The following MMP16 variants were observed in gnomAD, a reference collection of about 807,000 sequenced individuals.
The protein encoded by MMP16 is matrix metalloproteinase-16.
A neutral mutation model predicts 67.8 loss-of-function variants in MMP16; 12 were observed. The observed-to-expected ratio is 0.18, with a 90% CI of 0.11 to 0.29. The LOEUF (loss-of-function observed/expected upper bound fraction) is 0.29. MMP16 is among the 10% of genes least tolerant of loss of function. The probability of loss-of-function intolerance (pLI) is 1.00; values close to 1 mark genes in which losing one functional copy is unlikely to be tolerated. For missense variants in MMP16, 475 were observed against 765.7 expected (o/e 0.62, Z 4.48); for synonymous variants, 249 against 255.9 (o/e 0.97, Z 0.26).
intron 4 of MMP16, among the ~76,000 whole-genome samples, chr8:88,146,105 C>A (rs2118513483): frequency 6.6e-6 from 1 of 152,072 alleles, no homozygotes; most frequent in Middle Eastern, 3.4e-3. Flanking sequence ...GTCAAAATTA[C>A]ACTTTTCTTT....
rs28904612 is a variant in MMP16, at chr8:88,231,118, T to C, written c.133-33812A>G. On this transcript the variant is annotated intron_variant, in intron 1 of 9. Coordinates refer to ENST00000286614, the MANE Select transcript of MMP16 (RefSeq NM_005941.5). ...ATAATCATTATTTAGATGTTTTGCT[T>C]GAAATAGCTGTAATACCAACTTGAA... 4.2e-3 allele frequency among the ~76,000 whole-genome samples: 637 copies of C among 152,312 alleles called. 5 individuals are homozygous for C. Among genetic ancestry groups the C allele is most frequent in the African/African-American group, 0.015 (609 of 41,578 alleles).
intron 1 of MMP16, among the ~76,000 whole-genome samples, chr8:88,220,533 A>C (rs1426828429): frequency 1.4e-5 from 2 of 143,802 alleles, no homozygotes; most frequent in African/African-American, 2.6e-5. Flanking sequence ...TGTGTGCATG[A>C]CTTTTTTTTT....
At chr8:88,043,898 G>A (rs576763197) in intron 9 of MMP16, among the ~76,000 whole-genome samples, 2 of 152,214 alleles carry the variant, frequency 1.3e-5, no homozygotes, top group South Asian at 4.2e-4. Flanking sequence ...GATGAATAAC[G>A]GCATTGATCT....
chr8:88,281,754 C>T (rs1396132870), intron 1 of MMP16, among the ~76,000 whole-genome samples: 3 of 152,108 alleles, frequency 2.0e-5, no homozygotes, highest in African/African-American at 7.2e-5. Context: ...AGTGCTTTCC[C>T]CAGCCCACCA....
intron 6 of MMP16, among the ~76,000 whole-genome samples, chr8:88,075,200 C>T (rs1203256649): frequency 6.6e-6 from 1 of 152,036 alleles, no homozygotes; most frequent in Non-Finnish European, 1.5e-5. Context: ...TGCCTATTGT[C>T]TCATATAGTT....
chr8:88,260,980 T>G (rs1393612383), intron 1 of MMP16, among the ~76,000 whole-genome samples: 1 of 152,174 alleles, frequency 6.6e-6, no homozygotes, highest in African/African-American at 2.4e-5. Flanking sequence ...AGATAACAAA[T>G]GCACTTTAAC....
intron 1 of MMP16, among the ~76,000 whole-genome samples, chr8:88,208,922 C>T (rs955723427): frequency 6.6e-5 from 10 of 151,604 alleles, no homozygotes; most frequent in Non-Finnish European, 1.0e-4. Flanking sequence ...GGATACCACA[C>T]CAGAATTAAC....
chr8:88,266,372 G>C (rs2129962119), intron 1 of MMP16, among the ~76,000 whole-genome samples: 1 of 152,174 alleles, frequency 6.6e-6, no homozygotes, highest in Non-Finnish European at 1.5e-5. Flanking sequence ...GTTGAAATAA[G>C]TCACCTTCAA....
chr8:88,158,413 T>C (rs1362440022), intron 4 of MMP16, among the ~76,000 whole-genome samples: 1 of 152,248 alleles, frequency 6.6e-6, no homozygotes, highest in Non-Finnish European at 1.5e-5. Flanking sequence ...ATTTCTCTGA[T>C]GACCAGTGAT....
intron 7 of MMP16, among the ~76,000 whole-genome samples, chr8:88,074,101 A>G (rs1215354343): frequency 6.6e-6 from 1 of 152,208 alleles, no homozygotes; most frequent in Non-Finnish European, 1.5e-5. Flanking sequence ...TTTGGCACTC[A>G]GATAAATAAC....
intron 4 of MMP16, among the ~76,000 whole-genome samples, chr8:88,137,399 G>A (rs1461137386): frequency 6.6e-6 from 1 of 151,980 alleles, no homozygotes; most frequent in African/African-American, 2.4e-5. Context: ...CGTTAAAGCT[G>A]TCAATATCAC....
chr8:88,166,447 T>C (rs974449374), intron 4 of MMP16, among the ~76,000 whole-genome samples: 80 of 151,894 alleles, frequency 5.3e-4, no homozygotes, highest in African/African-American at 1.9e-3. Flanking sequence ...GCCTCTTATA[T>C]TAAGTAACCA....
intron 2 of MMP16, among the ~76,000 whole-genome samples, chr8:88,190,607 A>C (rs974392696): frequency 1.4e-4 from 21 of 152,208 alleles, no homozygotes; most frequent in Non-Finnish European, 1.8e-4. Context: ...TTAGGCACCA[A>C]AATGTTAGTA....
intron 1 of MMP16, among the ~76,000 whole-genome samples, chr8:88,276,258 T>G (rs1384840957): frequency 6.6e-6 from 1 of 152,102 alleles, no homozygotes; most frequent in African/African-American, 2.4e-5. Context: ...AAAAAATATG[T>G]AGCATCTTAT....
intron 1 of MMP16, among the ~76,000 whole-genome samples, chr8:88,241,076 G>GTT (rs1339041072): frequency 6.8e-6 from 1 of 146,654 alleles, no homozygotes; most frequent in Admixed American, 6.8e-5. Context: ...ACTAAGTTTT[G>GTT]TTTTGTTTTT....
At chr8:88,094,817 C>T (rs879620672) in intron 6 of MMP16, among the ~76,000 whole-genome samples, 6 of 151,698 alleles carry the variant, frequency 4.0e-5, no homozygotes, top group Admixed American at 6.6e-5. Flanking sequence ...CCTTGTACTA[C>T]AGTTAATAGG....
intron 6 of MMP16, among the ~76,000 whole-genome samples, chr8:88,108,848 C>T (rs1809286171): frequency 6.6e-6 from 1 of 151,270 alleles, no homozygotes; most frequent in African/African-American, 2.4e-5. Flanking sequence ...TAAATCTCTC[C>T]ATTTATCAAT....
intron 8 of MMP16, among the ~76,000 whole-genome samples, chr8:88,052,020 AC>A (rs1808277385): frequency 1.3e-5 from 2 of 152,182 alleles, no homozygotes; most frequent in South Asian, 4.1e-4. Flanking sequence ...TATTTAAAGA[AC>A]CGTCATTTCA....
intron 4 of MMP16, among the ~76,000 whole-genome samples, chr8:88,146,377 T>A (rs1362302118): frequency 6.6e-6 from 1 of 152,008 alleles, no homozygotes; most frequent in Non-Finnish European, 1.5e-5. Flanking sequence ...TGTATTTTTG[T>A]CCTTATTCTA....
Sources: allele counts gnomAD v4.1 joint callset (sites outside exome capture counted in the v4.1 genomes callset), GRCh38; gene constraint gnomAD v4.1.1; transcripts MANE v1.5; gene names NCBI Gene and HGNC (gene_info 2026-07-23, HGNC 2026-07-21).